ZMIZ1: variants seen among roughly 807,000 people sequenced by gnomAD.
ZMIZ1 encodes zinc finger MIZ domain-containing protein 1.
ZMIZ1 carries 17 observed loss-of-function variants against 113.9 expected under a neutral mutation model. That is an observed-to-expected ratio of 0.15 (90% CI 0.10 to 0.22). ZMIZ1 has a LOEUF of 0.22. Ranked by LOEUF, ZMIZ1 falls within the 10% of genes least tolerant of loss-of-function variation. The pLI, the probability that ZMIZ1 is intolerant of heterozygous loss-of-function variation, is 1.00. For synonymous variants in ZMIZ1, 607 were observed against 603.1 expected, an observed-to-expected ratio of 1.01 and a Z score of -0.09; for missense variants, 1,059 against 1,477.8, an observed-to-expected ratio of 0.72 and a Z score of 4.65.
intron 1 of ZMIZ1, among the ~76,000 whole-genome samples, chr10:79,102,020 G>T (rs1301702777): frequency 2.0e-5 from 3 of 152,338 alleles, no homozygotes; most frequent in African/African-American, 2.4e-5. Context: ...CCTCACGTGG[G>T]TCAGGATCTC....
chr10:79,085,168 G>A (rs1214905185), intron 1 of ZMIZ1, among the ~76,000 whole-genome samples: 2 of 152,184 alleles, frequency 1.3e-5, no homozygotes, highest in Admixed American at 6.5e-5. Context: ...TTCTTACTGT[G>A]TCTCTTCTCT....
intron 1 of ZMIZ1, among the ~76,000 whole-genome samples, chr10:79,088,642 G>GTCCC (rs2132217428): frequency 6.6e-6 from 1 of 152,094 alleles, no homozygotes; most frequent in Non-Finnish European, 1.5e-5. Context: ...AGGCTTAGGG[G>GTCCC]TCCCTGGGCC....
At chr10:79,279,531 G>A (rs1415446615) in intron 8 of ZMIZ1, among the ~76,000 whole-genome samples, 1 of 151,892 alleles carries the variant, frequency 6.6e-6, no homozygotes, top group East Asian at 2.0e-4. Flanking sequence ...GGGCGGCCAG[G>A]CAGAGACGCT....
intron 24 of ZMIZ1, 124 bp from the exon 25 acceptor site, chr10:79,312,518 T>C (rs1365262203): frequency 3.0e-6 from 3 of 992,434 alleles, no homozygotes; most frequent in Admixed American, 3.7e-5. Flanking sequence ...TCTCTACCCC[T>C]TTTTTTGGCT....
intron 17 of ZMIZ1, 38 bp from the exon 18 acceptor site, chr10:79,302,069 C>A: frequency 1.2e-6 from 2 of 1,600,922 alleles, no homozygotes; most frequent in Non-Finnish European, 1.7e-6. Context: ...GGTGTGGGGA[C>A]AGTGCACAGG....
intron 7 of ZMIZ1, among the ~76,000 whole-genome samples, chr10:79,261,298 C>T (rs904860170): frequency 5.9e-5 from 9 of 152,370 alleles, no homozygotes; most frequent in South Asian, 2.1e-4. Flanking sequence ...CCTCCCTACC[C>T]GGTGTTCCCT....
intron 3 of ZMIZ1, among the ~76,000 whole-genome samples, chr10:79,145,340 G>A (rs528771793): frequency 0.043 from 612 of 14,072 alleles, 6 homozygotes; most frequent in African/African-American, 0.18. Flanking sequence ...GCTGCATTCC[G>A]GAGTGCCTGC....
At chr10:79,225,254 G>A (rs961116602) in intron 7 of ZMIZ1, among the ~76,000 whole-genome samples, 1 of 152,192 alleles carries the variant, frequency 6.6e-6, no homozygotes, top group African/African-American at 2.4e-5. Context: ...CTTGTATTAA[G>A]ATTGAGTTCT....
intron 7 of ZMIZ1, among the ~76,000 whole-genome samples, chr10:79,237,399 A>G (rs541919687): frequency 6.6e-6 from 1 of 152,348 alleles, no homozygotes; most frequent in Non-Finnish European, 1.5e-5. Context: ...CTGCCATAAC[A>G]AAGTGCCACA....
chr10:79,179,811 AGG>A (rs1178629261), intron 4 of ZMIZ1, among the ~76,000 whole-genome samples: 1 of 152,242 alleles, frequency 6.6e-6, no homozygotes, highest in African/African-American at 2.4e-5. Flanking sequence ...CAGGCCCACA[AGG>A]GGGCAGAGGA....
At chr10:79,180,447 T>C (rs1847069732) in intron 4 of ZMIZ1, among the ~76,000 whole-genome samples, 1 of 152,158 alleles carries the variant, frequency 6.6e-6, no homozygotes, top group African/African-American at 2.4e-5. Context: ...TGAACCCTCC[T>C]TTTTCCAGGG....
At chr10:79,292,829 G>T (rs1000874268) in intron 11 of ZMIZ1, 5 of 462,788 alleles carry the variant, frequency 1.1e-5, no homozygotes, top group Non-Finnish European at 2.2e-5. Flanking sequence ...AGGGGATGAG[G>T]AGAGGGGAGC....
chr10:79,148,247 C>T (rs1845573128), intron 3 of ZMIZ1, among the ~76,000 whole-genome samples: 1 of 152,248 alleles, frequency 6.6e-6, no homozygotes, highest in South Asian at 2.1e-4. Context: ...TGGAATCCAG[C>T]AACATTCCAG....
intron 2 of ZMIZ1, among the ~76,000 whole-genome samples, chr10:79,126,864 C>T (rs924465757): frequency 2.0e-5 from 3 of 152,138 alleles, no homozygotes; most frequent in African/African-American, 7.2e-5. Flanking sequence ...TCCCCAGCAC[C>T]TCGGGGGCAG....
At chr10:79,146,306 G>A (rs573435495) in intron 3 of ZMIZ1, among the ~76,000 whole-genome samples, 3 of 152,270 alleles carry the variant, frequency 2.0e-5, no homozygotes, top group East Asian at 1.9e-4. Flanking sequence ...GGGTAGTAGC[G>A]GAGACACAGA....
intron 4 of ZMIZ1, among the ~76,000 whole-genome samples, chr10:79,196,520 G>A (rs1847838795): frequency 6.6e-6 from 1 of 152,214 alleles, no homozygotes; most frequent in Non-Finnish European, 1.5e-5. Flanking sequence ...GAATCTTTCT[G>A]TCCAGAAGCC....
chr10:79,243,486 G>C (rs1849984795), intron 7 of ZMIZ1, among the ~76,000 whole-genome samples: 1 of 148,028 alleles, frequency 6.8e-6, no homozygotes, highest in South Asian at 2.1e-4. Context: ...GCAGCAGCGA[G>C]CGGGAGCGCG....
chr10:79,074,445 C>T (rs1187180224), intron 1 of ZMIZ1, among the ~76,000 whole-genome samples: 1 of 152,214 alleles, frequency 6.6e-6, no homozygotes, highest in Non-Finnish European at 1.5e-5. Flanking sequence ...AGCTGTGTCC[C>T]TTTCTTTTGG....
chr10:79,223,355 G>C lies in ZMIZ1; in HGVS notation c.280+7081G>C, dbSNP rs189241237. Among the ~76,000 whole-genome samples the C allele has an allele frequency of 1.8e-4, 28 of 152,360 alleles. No homozygotes were observed. The East Asian group carries it at 5.2e-3, about 28-fold the overall frequency. ...CCTTGAAATGCCAGCCGCCTGGCAG[G>C]CTGGGGCACCTTTTCAAGGTCGGGA... On this transcript the variant is annotated intron_variant, in intron 7 of 24. Transcript: ENST00000334512.
Sources: gnomAD v4.1 joint callset for allele counts (sites outside exome capture counted in the v4.1 genomes callset) on GRCh38, gnomAD v4.1.1 for gene constraint, MANE v1.5 for transcripts, NCBI Gene and HGNC (gene_info 2026-07-23, HGNC 2026-07-21) for gene names.